Variants in GALNTL6 observed in about 807,000 individuals in gnomAD.
GALNTL6 encodes the protein polypeptide N-acetylgalactosaminyltransferase-like 6.
Under a neutral mutation model 73.7 loss-of-function variants are expected in GALNTL6, and 46 were observed. The observed-to-expected ratio is 0.62, with a 90% CI of 0.49 to 0.80. The LOEUF (loss-of-function observed/expected upper bound fraction) is 0.80. Among genes scored for constraint, GALNTL6 ranks in the 30% least tolerant of loss-of-function variants. The probability of loss-of-function intolerance (pLI) is 0.00; values close to 1 mark genes in which losing one functional copy is unlikely to be tolerated. For synonymous variants in GALNTL6, 259 were observed against 263.7 expected, an observed-to-expected ratio of 0.98 and a Z score of 0.17; for missense variants, 604 against 755.0, an observed-to-expected ratio of 0.80 and a Z score of 2.34.
intron 5 of GALNTL6, among the ~76,000 whole-genome samples, chr4:172,622,262 AT>A (rs1017757715): frequency 5.9e-5 from 9 of 152,200 alleles, no homozygotes; most frequent in African/African-American, 2.2e-4. Flanking sequence ...ATTCAAGAGA[AT>A]TTGTCACAAC....
intron 2 of GALNTL6, among the ~76,000 whole-genome samples, chr4:171,874,829 A>G (rs2110901286): frequency 6.6e-6 from 1 of 152,332 alleles, no homozygotes; most frequent in East Asian, 1.9e-4. Flanking sequence ...AATATCACAG[A>G]CCCTAACCTC....
intron 8 of GALNTL6, among the ~76,000 whole-genome samples, chr4:172,915,916 T>A (rs2111276971): frequency 6.6e-6 from 1 of 152,312 alleles, no homozygotes; most frequent in East Asian, 1.9e-4. Flanking sequence ...ATCATCCTGA[T>A]ACCAAAGACT....
At chr4:171,915,099 CTT>C (rs763578872) in intron 2 of GALNTL6, among the ~76,000 whole-genome samples, 1 of 152,028 alleles carries the variant, frequency 6.6e-6, no homozygotes, top group Non-Finnish European at 1.5e-5. Context: ...TGGGCTATAA[CTT>C]ATAATTGAAT....
intron 2 of GALNTL6, among the ~76,000 whole-genome samples, chr4:172,224,242 G>A (rs1344822208): frequency 6.6e-6 from 1 of 152,064 alleles, no homozygotes; most frequent in Non-Finnish European, 1.5e-5. Flanking sequence ...GGTAAGGTAG[G>A]TATTGTTCTT....
intron 2 of GALNTL6, among the ~76,000 whole-genome samples, chr4:171,869,053 G>A (rs1169183237): frequency 1.3e-5 from 2 of 152,068 alleles, no homozygotes; most frequent in South Asian, 4.1e-4. Flanking sequence ...TCATGTAAAC[G>A]GGAAGATATA....
chr4:172,205,939 A>C (rs1736096301), intron 2 of GALNTL6, among the ~76,000 whole-genome samples: 1 of 152,218 alleles, frequency 6.6e-6, no homozygotes, highest in Admixed American at 6.5e-5. Flanking sequence ...TTGAAAATAT[A>C]AACTAGGTGA....
At chr4:171,950,087 ATAGT>A (rs1738826946) in intron 2 of GALNTL6, among the ~76,000 whole-genome samples, 1 of 152,244 alleles carries the variant, frequency 6.6e-6, no homozygotes, top group Non-Finnish European at 1.5e-5. Context: ...CAAAGAAACA[ATAGT>A]TAGACTGAGA....
At chr4:172,457,960 A>T (rs1398679024) in intron 5 of GALNTL6, among the ~76,000 whole-genome samples, 3 of 152,172 alleles carry the variant, frequency 2.0e-5, no homozygotes, top group Non-Finnish European at 2.9e-5. Context: ...CATAATTGGA[A>T]GTAAAACACT....
intron 2 of GALNTL6, among the ~76,000 whole-genome samples, chr4:171,970,598 C>T (rs1739538719): frequency 6.6e-6 from 1 of 151,932 alleles, no homozygotes; most frequent in African/African-American, 2.4e-5. Flanking sequence ...ATCCTTAATC[C>T]TAGGGAATTG....
intron 7 of GALNTL6, among the ~76,000 whole-genome samples, chr4:172,859,751 C>A (rs1744299880): frequency 6.6e-6 from 1 of 152,136 alleles, no homozygotes; most frequent in Admixed American, 6.5e-5. Context: ...TGCATTACTG[C>A]CTGAGCTCCA....
chr4:172,946,868 T>C (rs1749188523), intron 9 of GALNTL6, among the ~76,000 whole-genome samples: 1 of 152,118 alleles, frequency 6.6e-6, no homozygotes, highest in Non-Finnish European at 1.5e-5. Flanking sequence ...CCATTTTGGT[T>C]ATGGAAAAGC....
chr4:172,130,730 G>T (rs143431075), intron 2 of GALNTL6, among the ~76,000 whole-genome samples: 1 of 151,940 alleles, frequency 6.6e-6, no homozygotes, highest in Non-Finnish European at 1.5e-5. Context: ...GAAAATTACC[G>T]CAGTTTTATA....
At chr4:172,042,356 A>C (rs573516700) in intron 2 of GALNTL6, among the ~76,000 whole-genome samples, 67 of 152,176 alleles carry the variant, frequency 4.4e-4, no homozygotes, top group African/African-American at 1.6e-3. Flanking sequence ...TGATGTTTCT[A>C]AACTGTATAT....
intron 5 of GALNTL6, among the ~76,000 whole-genome samples, chr4:172,562,834 A>G (rs892724424): frequency 6.6e-6 from 1 of 152,206 alleles, no homozygotes; most frequent in Non-Finnish European, 1.5e-5. Flanking sequence ...GTCTAGATAG[A>G]ATAGAAATGG....
At chr4:172,581,908 C>A (rs1462508982) in intron 5 of GALNTL6, among the ~76,000 whole-genome samples, 1 of 152,202 alleles carries the variant, frequency 6.6e-6, no homozygotes, top group Non-Finnish European at 1.5e-5. Flanking sequence ...AGATCTGGAA[C>A]TGGGAAGACT....
intron 5 of GALNTL6, among the ~76,000 whole-genome samples, chr4:172,417,260 A>G (rs73871724): frequency 0.03 from 4,605 of 152,002 alleles, 232 homozygotes; most frequent in African/African-American, 0.1. Flanking sequence ...TGTTTCTTTC[A>G]AAGACCCACT....
chr4:171,928,912 T>C (rs1323137625), intron 2 of GALNTL6, among the ~76,000 whole-genome samples: 1 of 152,144 alleles, frequency 6.6e-6, no homozygotes, highest in East Asian at 1.9e-4. Context: ...AATGACACAT[T>C]TCCCAGAATG....
At chr4:172,213,892 A>G (rs989253568) in intron 2 of GALNTL6, among the ~76,000 whole-genome samples, 8 of 152,206 alleles carry the variant, frequency 5.3e-5, no homozygotes, top group African/African-American at 1.9e-4. Flanking sequence ...ATAGTACCCT[A>G]AGATTTCGTG....
intron 5 of GALNTL6, among the ~76,000 whole-genome samples, chr4:172,674,708 T>G (rs949689732): frequency 6.6e-6 from 1 of 152,190 alleles, no homozygotes; most frequent in East Asian, 1.9e-4. Context: ...GACTTTCTTA[T>G]TTCAGACAGC....
Sources: gnomAD v4.1 joint callset for allele counts (sites outside exome capture counted in the v4.1 genomes callset) on GRCh38, gnomAD v4.1.1 for gene constraint, MANE v1.5 for transcripts, NCBI Gene and HGNC (gene_info 2026-07-23, HGNC 2026-07-21) for gene names.